The following CDKAL1 variants were observed in gnomAD, a reference collection of about 807,000 sequenced individuals.
CDKAL1 encodes threonylcarbamoyladenosine tRNA methylthiotransferase.
CDKAL1 carries 32 observed loss-of-function variants against 68.2 expected under a neutral mutation model. The ratio of observed to expected loss-of-function variants is 0.47; its 90% CI spans 0.35 to 0.63. The LOEUF (loss-of-function observed/expected upper bound fraction) is 0.63, where lower values mean the gene tolerates loss of function less well. CDKAL1 is among the 30% of genes least tolerant of loss of function. The probability of loss-of-function intolerance (pLI) is 0.00; values close to 1 mark genes in which losing one functional copy is unlikely to be tolerated. For missense variants in CDKAL1, 606 were observed against 696.7 expected (o/e 0.87, Z 1.47); for synonymous variants, 234 against 244.3 (o/e 0.96, Z 0.39).
intron 9 of CDKAL1, among the ~76,000 whole-genome samples, chr6:20,891,282 A>C (rs1230774399): frequency 6.6e-6 from 1 of 152,116 alleles, no homozygotes; most frequent in Non-Finnish European, 1.5e-5. Flanking sequence ...ACCACTCTCT[A>C]GCACTAGTGG....
chr6:21,205,540 G>GTT (rs145221533), intron 15 of CDKAL1, among the ~76,000 whole-genome samples: 39,406 of 151,068 alleles, frequency 0.26, 5,542 homozygotes, highest in African/African-American at 0.37. Context: ...GTTTTGTTTT[G>GTT]TTTTTTTTGA....
At chr6:20,570,482 C>A (rs1764655261) in intron 4 of CDKAL1, among the ~76,000 whole-genome samples, 1 of 152,008 alleles carries the variant, frequency 6.6e-6, no homozygotes, top group African/African-American at 2.4e-5. Flanking sequence ...CTCACTGCAA[C>A]CCCCGCCTCC....
At chr6:21,053,336 AT>A (rs565795263) in intron 11 of CDKAL1, among the ~76,000 whole-genome samples, 93 of 152,316 alleles carry the variant, frequency 6.1e-4, no homozygotes, top group African/African-American at 2.2e-3. Context: ...ATTTCCACAT[AT>A]GGATATGCCA....
chr6:20,620,204 T>C (rs374127418), intron 4 of CDKAL1, among the ~76,000 whole-genome samples: 16 of 152,190 alleles, frequency 1.1e-4, no homozygotes, highest in Non-Finnish European at 2.1e-4. Flanking sequence ...AAAAGTCACC[T>C]TAATCTTTTG....
At chr6:20,604,096 C>T (rs769457102) in intron 4 of CDKAL1, among the ~76,000 whole-genome samples, 61 of 152,002 alleles carry the variant, frequency 4.0e-4, no homozygotes, top group Non-Finnish European at 7.9e-4. Flanking sequence ...CATGTGAATG[C>T]CTGTTAAAGG....
chr6:20,806,299 C>T (rs1776569300), intron 8 of CDKAL1, among the ~76,000 whole-genome samples: 1 of 152,152 alleles, frequency 6.6e-6, no homozygotes, highest in Non-Finnish European at 1.5e-5. Flanking sequence ...ATCCATGTTG[C>T]TGCAAAGGAC....
chr6:20,978,214 G>A (rs148328674), intron 10 of CDKAL1, among the ~76,000 whole-genome samples: 51 of 152,310 alleles, frequency 3.3e-4, no homozygotes, highest in East Asian at 1.9e-3. Context: ...CAGAGGTTCC[G>A]CTTTGGAGGG....
At chr6:20,616,440 A>G (rs922741234) in intron 4 of CDKAL1, among the ~76,000 whole-genome samples, 1 of 140,822 alleles carries the variant, frequency 7.1e-6, no homozygotes, top group African/African-American at 2.7e-5. Flanking sequence ...ATTTGTTTGT[A>G]TCCTCTTTTA....
intron 10 of CDKAL1, among the ~76,000 whole-genome samples, chr6:20,973,697 C>T (rs1485632903): frequency 6.6e-6 from 1 of 151,596 alleles, no homozygotes; most frequent in African/African-American, 2.4e-5. Flanking sequence ...CTCTGCCTCT[C>T]GGGTTCAAGT....
intron 9 of CDKAL1, among the ~76,000 whole-genome samples, chr6:20,859,195 C>T (rs1759487746): frequency 6.6e-6 from 1 of 151,206 alleles, no homozygotes; most frequent in Non-Finnish European, 1.5e-5. Flanking sequence ...CATGTGGTAG[C>T]CTAATATTCT....
intron 13 of CDKAL1, among the ~76,000 whole-genome samples, chr6:21,143,938 C>G: frequency 6.6e-6 from 1 of 151,846 alleles, no homozygotes; most frequent in East Asian, 1.9e-4. Context: ...GCCTGCCATT[C>G]TGCTGTAAAG....
intron 4 of CDKAL1, among the ~76,000 whole-genome samples, chr6:20,610,669 A>G (rs1766580241): frequency 6.6e-6 from 1 of 152,042 alleles, no homozygotes; most frequent in Admixed American, 6.6e-5. Flanking sequence ...TCCTTTCTGT[A>G]AGTAAATCTT....
intron 9 of CDKAL1, among the ~76,000 whole-genome samples, chr6:20,946,844 A>G (rs1764262047): frequency 6.6e-6 from 1 of 151,896 alleles, no homozygotes; most frequent in Non-Finnish European, 1.5e-5. Flanking sequence ...TGATCCGCCC[A>G]CCTCAGCCTC....
chr6:20,919,550 C>T (rs1465645143), intron 9 of CDKAL1, among the ~76,000 whole-genome samples: 2 of 152,072 alleles, frequency 1.3e-5, no homozygotes, highest in East Asian at 1.9e-4. Context: ...CTCCCACTTA[C>T]GAGTAAGAAT....
intron 4 of CDKAL1, among the ~76,000 whole-genome samples, chr6:20,565,250 G>T (rs951858981): frequency 6.6e-6 from 1 of 151,988 alleles, no homozygotes; most frequent in Non-Finnish European, 1.5e-5. Context: ...TTTGTTGTGG[G>T]GGTAAGTTTA....
chr6:21,092,955 T>C (rs1462496009), intron 12 of CDKAL1, among the ~76,000 whole-genome samples: 1 of 143,516 alleles, frequency 7.0e-6, no homozygotes, highest in African/African-American at 2.6e-5. Flanking sequence ...AGATGAAAAA[T>C]AGAAGGAAAA....
chr6:21,068,754 T>C (rs1771594467), intron 12 of CDKAL1, among the ~76,000 whole-genome samples: 1 of 152,240 alleles, frequency 6.6e-6, no homozygotes, highest in Non-Finnish European at 1.5e-5. Flanking sequence ...AAAATCCTGC[T>C]GGAATTTTGA....
intron 7 of CDKAL1, among the ~76,000 whole-genome samples, chr6:20,772,621 C>T (rs1373918641): frequency 6.6e-6 from 1 of 152,060 alleles, no homozygotes. Flanking sequence ...TTAGTTATAC[C>T]ATTGATAATG....
intron 9 of CDKAL1, among the ~76,000 whole-genome samples, chr6:20,899,020 C>G (rs945989033): frequency 1.3e-5 from 2 of 151,492 alleles, no homozygotes; most frequent in Non-Finnish European, 2.9e-5. Context: ...TGAACACAGG[C>G]CAATCAAGAC....
Sources: allele counts gnomAD v4.1 joint callset (sites outside exome capture counted in the v4.1 genomes callset), GRCh38; gene constraint gnomAD v4.1.1; transcripts MANE v1.5; gene names NCBI Gene and HGNC (gene_info 2026-07-23, HGNC 2026-07-21).